Variants in CCDC172 observed in about 807,000 individuals in gnomAD.
The protein encoded by CCDC172 is coiled-coil domain containing 172, also known as coiled-coil domain-containing protein 172.
In CCDC172, 30 loss-of-function variants were observed where a neutral mutation model predicts 38.0. That is an observed-to-expected ratio of 0.79 (90% CI 0.59 to 1.07). The LOEUF (loss-of-function observed/expected upper bound fraction) is 1.07. Among genes scored for constraint, CCDC172 ranks in the 50% least tolerant of loss-of-function variants. The pLI, the probability that CCDC172 is intolerant of heterozygous loss-of-function variation, is 0.00. For missense variants in CCDC172, 297 were observed against 290.1 expected (o/e 1.02, Z -0.17); for synonymous variants, 78 against 88.3 (o/e 0.88, Z 0.66).
chr10:116,357,130 A>AT (rs1845007154), intron 5 of CCDC172, among the ~76,000 whole-genome samples: 1 of 151,568 alleles, frequency 6.6e-6, no homozygotes, highest in Non-Finnish European at 1.5e-5. Flanking sequence ...TTTTTTTTCT[A>AT]TTTCTGTGAA....
chr10:116,328,974 A>T (rs1844624159), intron 3 of CCDC172, among the ~76,000 whole-genome samples: 1 of 152,164 alleles, frequency 6.6e-6, no homozygotes, highest in African/African-American at 2.4e-5. Flanking sequence ...TATAGTTGGC[A>T]ATTATTCATT....
In CCDC172 at chr10:116,342,178, A is replaced by G; in HGVS notation, c.425A>G (p.Asn142Ser). 1 of 1,535,844 alleles carries G rather than the reference A, an allele frequency of 6.5e-7. No individual in the cohort carries two copies. Among genetic ancestry groups the G allele is most frequent in the Non-Finnish European group, 8.7e-7 (1 of 1,152,470 alleles). Residue 142 changes from asparagine (N) to serine (S), a missense_variant, in exon 5 of 9, where the codon AAC becomes AGC. Transcript: ENST00000333254. ...NVKIEISDLENQANMLKSEMK... is the reference protein window; with the variant it reads ...NVKIEISDLESQANMLKSEMK... The stretch of plus-strand genomic sequence containing the variant: ...AAGATTGAAATATCTGACTTAGAAA[A>G]CCAAGCAAACATGTTGAAAAGTGGT...
At chr10:116,341,317 G>T (rs1473296704) in intron 4 of CCDC172, among the ~76,000 whole-genome samples, 1 of 151,996 alleles carries the variant, frequency 6.6e-6, no homozygotes, top group African/African-American at 2.4e-5. Flanking sequence ...TACATTTAAA[G>T]ATATTAAAAA....
At chr10:116,355,018 A>G (rs1004197547) in intron 5 of CCDC172, among the ~76,000 whole-genome samples, 1 of 152,198 alleles carries the variant, frequency 6.6e-6, no homozygotes, top group Non-Finnish European at 1.5e-5. Flanking sequence ...TAAAAAGTTA[A>G]CTTAAAAAGT....
chr10:116,365,655 T>G (rs1589958227), intron 7 of CCDC172, among the ~76,000 whole-genome samples: 1 of 152,194 alleles, frequency 6.6e-6, no homozygotes, highest in South Asian at 2.1e-4. Context: ...TCCTTTAGAT[T>G]TCTCATTTAC....
At position 116,342,125 on chromosome 10, in the gene CCDC172, AAG is replaced by A; in HGVS notation, c.377_378del (p.Glu126AlafsTer10). On this transcript the variant is annotated frameshift_variant, in exon 5 of 9. Coordinates refer to ENST00000333254, the MANE Select transcript of CCDC172 (RefSeq NM_198515.3). LOFTEE classifies it high-confidence loss of function. ...FNNDYEITKK[R>X]ELLMKENVKI... ...ATAATGATTATGAAATAACAAAGAA[AAG>A]AGAGCTTTTGATGAAAGAAAATGTC... 8.4e-6 allele frequency: 13 copies of A among 1,552,364 alleles called. No homozygotes were observed. The highest frequency in any genetic ancestry group is 1.0e-5 in the Non-Finnish European group (12 of 1,159,224).
At position 116,379,516 on chromosome 10, in the gene CCDC172, G is replaced by C. The variant is rs183185667; in HGVS notation, c.*158G>C. The stretch of plus-strand genomic sequence containing the variant: ...GTTATTATCTAGAAATGATGTGTTA[G>C]CCCTTTAAGATAATTTTTGTCTTGT... On this transcript the variant is annotated 3_prime_UTR_variant, in exon 9 of 9. Transcript: ENST00000333254. 4.6e-6 allele frequency: 2 copies of C among 434,226 alleles called. No individual in the cohort carries two copies. Among genetic ancestry groups the C allele is most frequent in the African/African-American group, 4.1e-5 (2 of 48,796 alleles). The allele number at this position is 434,226 out of a possible 1,614,324, so 26.9% of individuals were successfully genotyped here.
intron 5 of CCDC172, among the ~76,000 whole-genome samples, chr10:116,347,781 T>C (rs1844885159): frequency 6.6e-6 from 1 of 152,162 alleles, no homozygotes. Flanking sequence ...TTGTCATTAG[T>C]TGAAGCTGAT....
chr10:116,333,736 G>A (rs1844694584), intron 3 of CCDC172, among the ~76,000 whole-genome samples: 1 of 152,190 alleles, frequency 6.6e-6, no homozygotes, highest in Non-Finnish European at 1.5e-5. Context: ...CTGTCTCGCT[G>A]AGATGAGCAG....
chr10:116,359,087 T>C (rs1270960923), intron 7 of CCDC172, among the ~76,000 whole-genome samples: 2 of 152,234 alleles, frequency 1.3e-5, no homozygotes, highest in African/African-American at 4.8e-5. Flanking sequence ...TGCCAATATT[T>C]ATCAATTCCT....
Position 116,334,256 on chromosome 10 carries a change from T to G in CCDC172, c.166-6478T>G, listed in dbSNP as rs115724114. On this transcript the variant is annotated intron_variant, in intron 3 of 8. Coordinates refer to ENST00000333254, the MANE Select transcript of CCDC172 (RefSeq NM_198515.3). ...CTACTGGAAAAGTGGGTTTTATTCC[T>G]GGGAAATTCTGAGGCCTTCTACCAT... is the stretch of plus-strand genomic sequence containing the variant. Among the ~76,000 whole-genome samples, 1,151 of 152,346 alleles carry G rather than the reference T, an allele frequency of 7.6e-3. 17 individuals are homozygous for G. The highest frequency in any genetic ancestry group is 0.026 in the African/African-American group (1,087 of 41,576).
At chr10:116,344,678 A>G (rs980756406) in intron 5 of CCDC172, among the ~76,000 whole-genome samples, 2 of 152,294 alleles carry the variant, frequency 1.3e-5, no homozygotes, top group Admixed American at 1.3e-4. Context: ...TTTTTCTTCC[A>G]AAGTAAATTA....
intron 7 of CCDC172, among the ~76,000 whole-genome samples, chr10:116,359,845 C>T (rs868639422): frequency 6.6e-6 from 1 of 152,134 alleles, no homozygotes; most frequent in South Asian, 2.1e-4. Context: ...TCTTTTATAA[C>T]GATTATGGTT....
chr10:116,342,413 A>G, intron 5 of CCDC172: 1 of 392,212 alleles, frequency 2.5e-6, no homozygotes, highest in Non-Finnish European at 4.5e-6. Flanking sequence ...TTGGTCATTC[A>G]TTTAATAAAT....
intron 5 of CCDC172, among the ~76,000 whole-genome samples, chr10:116,353,600 C>G (rs1170847311): frequency 6.6e-6 from 1 of 152,118 alleles, no homozygotes; most frequent in Non-Finnish European, 1.5e-5. Context: ...CTATACAAAG[C>G]CACTTCCAGT....
intron 3 of CCDC172, 103 bp from the exon 4 acceptor site, chr10:116,340,631 T>A: frequency 3.3e-6 from 2 of 610,136 alleles, no homozygotes; most frequent in Non-Finnish European, 2.9e-6. Context: ...TAAAGATTAA[T>A]ACAGAATATA....
intron 3 of CCDC172, among the ~76,000 whole-genome samples, chr10:116,337,334 G>A (rs993021571): frequency 2.0e-5 from 3 of 151,916 alleles, no homozygotes; most frequent in African/African-American, 7.3e-5. Context: ...TGTATTTTTA[G>A]TAGAGGGGGA....
intron 5 of CCDC172, among the ~76,000 whole-genome samples, chr10:116,347,774 T>C (rs1320024319): frequency 6.6e-6 from 1 of 152,122 alleles, no homozygotes; most frequent in African/African-American, 2.4e-5. Context: ...GACAAAATTG[T>C]CATTAGTTGA....
At chr10:116,332,467 ATCT>A (rs1844675737) in intron 3 of CCDC172, among the ~76,000 whole-genome samples, 1 of 152,064 alleles carries the variant, frequency 6.6e-6, no homozygotes, top group African/African-American at 2.4e-5. Flanking sequence ...TGAATGACAG[ATCT>A]TCTAAGCTAT....
Sources: allele counts gnomAD v4.1 joint callset (sites outside exome capture counted in the v4.1 genomes callset), GRCh38; gene constraint gnomAD v4.1.1; transcripts MANE v1.5; gene names NCBI Gene and HGNC (gene_info 2026-07-23, HGNC 2026-07-21).